Variants in LPIN3 observed in about 807,000 individuals in gnomAD.
LPIN3 encodes lipin 3, also known as phosphatidate phosphatase LPIN3.
In LPIN3, 82 loss-of-function variants were observed where a neutral mutation model predicts 94.7. That is an observed-to-expected ratio of 0.87 (90% CI 0.72 to 1.04). The LOEUF is 1.04. LPIN3 is among the 50% of genes least tolerant of loss of function. LPIN3 has a pLI of 0.00. For synonymous variants in LPIN3, 418 were observed against 443.3 expected (o/e 0.94, Z 0.72); for missense variants, 996 against 1,090.5 (o/e 0.91, Z 1.22).
chr20:41,352,128 C>CTGAATA lies in LPIN3; in HGVS notation c.1275_1276insTATGAA (p.Glu425_His426insTyrGlu), dbSNP rs1569002678. On this transcript the variant is annotated inframe_insertion, in exon 9 of 20. Transcript: ENST00000373257. ...CAGAAGTCCCTGAGGGACCCCAACC[C>CTGAATA]TGAACATGAACCTGAACCCACTCTG... 1 of 1,614,248 alleles carries CTGAATA rather than the reference C, an allele frequency of 6.2e-7. No individual in the cohort carries two copies. Among genetic ancestry groups the CTGAATA allele is most frequent in the African/African-American group, 1.3e-5 (1 of 75,072 alleles).
intron 17 of LPIN3, 43 bp downstream of exon 17, chr20:41,358,077 G>T (rs1345665502): frequency 6.4e-7 from 1 of 1,570,594 alleles, no homozygotes. Flanking sequence ...CCCTGGTGGG[G>T]AAAGGCAGGC....
At chr20:41,350,538 C>T in intron 7 of LPIN3, 141 bp downstream of exon 7, 4 of 673,390 alleles carry the variant, frequency 5.9e-6, no homozygotes, top group Non-Finnish European at 1.0e-5. Flanking sequence ...GCTCACAGTG[C>T]AGTGTGGGAG....
chr20:41,350,263 C>A lies in LPIN3; in HGVS notation c.968C>A (p.Thr323Asn). 6.2e-7 allele frequency: 1 copy of A among 1,613,844 alleles called. No individual in the cohort carries two copies. The highest frequency in any genetic ancestry group is 8.5e-7 in the Non-Finnish European group (1 of 1,179,952). ...ACTCTAGTGGGTCCCCCTCTCCACA[C>A]CCCAGAGACAGAGGAAAGCAAGACT... ...DPTLVGPPLH[T>N]PETEESKTQS... The change falls in exon 7 of 20, where the codon ACC (threonine) becomes AAC (asparagine). Residue 323 changes from threonine (T) to asparagine (N), a missense_variant. Physicochemically the swap from Thr to Asn is moderately conservative, Grantham distance 65 (BLOSUM62 0). Coordinates refer to ENST00000373257, the MANE Select transcript of LPIN3 (RefSeq NM_022896.3).
intron 1 of LPIN3, among the ~76,000 whole-genome samples, chr20:41,342,139 T>G (rs969747173): frequency 1.3e-5 from 2 of 152,164 alleles, no homozygotes; most frequent in Non-Finnish European, 1.5e-5. Context: ...ATTCCAGGGC[T>G]TTACACAAAG....
At chr20:41,355,864 G>C in intron 13 of LPIN3, 32 bp from the exon 14 acceptor site, 2 of 1,611,758 alleles carry the variant, frequency 1.2e-6, no homozygotes, top group African/African-American at 2.7e-5. Flanking sequence ...TTTGGCTGGA[G>C]GAGATGGCCT....
Position 41,358,722 on chromosome 20 carries a change from G to A in LPIN3, c.2412G>A (p.Thr804=). Residue 804 remains threonine, a splice_region_variant and synonymous_variant, in exon 20 of 20, where the codon ACG becomes ACA. Coordinates refer to ENST00000373257, the MANE Select transcript of LPIN3 (RefSeq NM_022896.3). ...AGTGCTGGCCCCCTTCTGCCTGTAG[G>A]TATGAGCGGCTTGGTGAAGTGGTCG... ...IQELIKNHKS[T]YERLGEVVEL... 6.2e-7 allele frequency: 1 copy of A among 1,613,962 alleles called. No homozygotes were observed. The highest frequency in any genetic ancestry group is 8.5e-7 in the Non-Finnish European group (1 of 1,179,940).
chr20:41,357,870 C>T lies in LPIN3; in HGVS notation c.2040-12C>T. ...TCTGATGGCTCTATGCCACCCTGTC[C>T]CCCACTCTCAGAAATGGGTACAAGT... On this transcript the variant is annotated splice_polypyrimidine_tract_variant and intron_variant, in intron 16 of 19. Transcript: ENST00000373257. 2 of 1,614,002 alleles carry T rather than the reference C, an allele frequency of 1.2e-6. No homozygotes were observed. Among genetic ancestry groups the T allele is most frequent in the South Asian group, 1.1e-5 (1 of 91,080 alleles).
At position 41,358,753 on chromosome 20, in the gene LPIN3, C is replaced by T; in HGVS notation, c.2443C>T (p.Leu815Phe). 2 of 1,614,144 alleles carry T rather than the reference C, an allele frequency of 1.2e-6. No individual in the cohort carries two copies. The highest frequency in any genetic ancestry group is 1.7e-6 in the Non-Finnish European group (2 of 1,180,024). Residue 815 changes from leucine (L) to phenylalanine (F), a missense_variant, in exon 20 of 20, where the codon CTC becomes TTC. Physicochemically the swap from Leu to Phe is conservative, Grantham distance 22. Coordinates refer to ENST00000373257, the MANE Select transcript of LPIN3 (RefSeq NM_022896.3). ...GCGGCTTGGTGAAGTGGTCGAGCTC[C>T]TCTTCCCACCTGTGGCCCGTGGCCC... ...YERLGEVVEL[L>F]FPPVARGPST...
chr20:41,351,091 A>AT (rs1337212764), intron 7 of LPIN3, among the ~76,000 whole-genome samples: 23 of 142,910 alleles, frequency 1.6e-4, no homozygotes, highest in Admixed American at 2.2e-4. Flanking sequence ...AAAAAAAAAA[A>AT]TTTTTTTTTT....
rs75257468 is a variant in LPIN3, at chr20:41,359,123, C to CTTTT, written c.*279_*282dup. Reference sequence around the variant, plus strand: ...TTGTCATCTGGGCCCTTGCAGGGTTCTTTTTTTTTTTTTTTTTTTTTTTTT... The same window carrying CTTTT: ...TTGTCATCTGGGCCCTTGCAGGGTTCTTTTTTTTTTTTTTTTTTTTTTTTTTTTT... On this transcript the variant is annotated 3_prime_UTR_variant, in exon 20 of 20. Transcript: ENST00000373257. 17 of 77,020 alleles carry CTTTT rather than the reference C, an allele frequency of 2.2e-4. No individual in the cohort carries two copies. Among genetic ancestry groups the CTTTT allele is most frequent in the East Asian group, 4.7e-4 (1 of 2,130 alleles). The allele number at this position is 77,020 out of a possible 1,614,324, so 4.8% of individuals were successfully genotyped here.
At position 41,358,985 on chromosome 20, in the gene LPIN3, G is replaced by A. The variant is rs974348823; in HGVS notation, c.*119G>A. On this transcript the variant is annotated 3_prime_UTR_variant, in exon 20 of 20. Coordinates refer to ENST00000373257, the MANE Select transcript of LPIN3 (RefSeq NM_022896.3). ...AAACCCACTGAAGGGGAAGGAGGAG[G>A]CTGCAGGTTGGTTGGCAGCTAGAGA... The A allele has an allele frequency of 6.7e-6, 9 of 1,335,538 alleles. No homozygotes were observed. The highest frequency in any genetic ancestry group is 9.2e-6 in the Non-Finnish European group (9 of 979,950). The allele number at this position is 1,335,538 out of a possible 1,614,324, so 82.7% of individuals were successfully genotyped here.
rs746188829 is a variant in LPIN3 at position 41,349,179 on chromosome 20, G to A, written c.638+7G>A. The A allele has an allele frequency of 6.2e-7, 1 of 1,613,492 alleles. No homozygotes were observed. Among genetic ancestry groups the A allele is most frequent in the South Asian group, 1.1e-5 (1 of 90,958 alleles). The stretch of plus-strand genomic sequence containing the variant: ...AGTGGCCCCCCCAGGCCAGGTAAGA[G>A]TCCAGGTGGGCTGCAGGCCAGGACT... On this transcript the variant is annotated splice_region_variant and intron_variant, in intron 5 of 19. Coordinates refer to ENST00000373257, the MANE Select transcript of LPIN3 (RefSeq NM_022896.3).
chr20:41,343,270 G>C (rs1042177970), intron 1 of LPIN3, among the ~76,000 whole-genome samples: 1 of 152,182 alleles, frequency 6.6e-6, no homozygotes, highest in African/African-American at 2.4e-5. Flanking sequence ...CCCCGGCTCT[G>C]CCCCTCCCCA....
chr20:41,347,505 G>A, intron 2 of LPIN3, 47 bp from the exon 3 acceptor site: 1 of 1,572,640 alleles, frequency 6.4e-7, no homozygotes, highest in Non-Finnish European at 8.7e-7. Flanking sequence ...GTGGTCGGAA[G>A]CATGGGCGTG....
chr20:41,344,159 G>A (rs1406798246), intron 1 of LPIN3, among the ~76,000 whole-genome samples: 1 of 152,228 alleles, frequency 6.6e-6, no homozygotes, highest in Non-Finnish European at 1.5e-5. Flanking sequence ...AAGCTCCCAG[G>A]TGATGCTGAT....
In LPIN3 at chr20:41,358,462, G is replaced by A. The variant is rs2046295133; in HGVS notation, c.2331G>A (p.Val777=). ...RPNDVFAYRQ[V]GLPESRIFTV... is the part of the protein sequence containing the mutation. The stretch of plus-strand genomic sequence containing the variant: ...AGGATGTCTTTGCCTACCGGCAGGT[G>A]GGCCTGCCTGAGTCACGCATCTTCA... The change falls in exon 19 of 20, where the codon GTG becomes GTA. Residue 777 remains valine (V), a synonymous_variant. Transcript: ENST00000373257. 1.2e-6 allele frequency: 2 copies of A among 1,614,006 alleles called. No individual in the cohort carries two copies. The highest frequency in any genetic ancestry group is 1.7e-6 in the Non-Finnish European group (2 of 1,179,982).
At position 41,359,123 on chromosome 20, in the gene LPIN3, CTTTTTTT is replaced by C. The variant is rs75257468; in HGVS notation, c.*276_*282del. 23 of 77,014 alleles carry C rather than the reference CTTTTTTT, an allele frequency of 3.0e-4. No homozygotes were observed. The highest frequency in any genetic ancestry group is 2.3e-3 in the East Asian group (5 of 2,128). The allele number at this position is 77,014 out of a possible 1,614,324, so 4.8% of individuals were successfully genotyped here. On this transcript the variant is annotated 3_prime_UTR_variant, in exon 20 of 20. Coordinates refer to ENST00000373257, the MANE Select transcript of LPIN3 (RefSeq NM_022896.3). ...TTGTCATCTGGGCCCTTGCAGGGTT[CTTTTTTT>C]TTTTTTTTTTTTTTTTTTCCTGAGA...
intron 3 of LPIN3, among the ~76,000 whole-genome samples, chr20:41,348,382 G>A (rs569567884): frequency 2.6e-5 from 4 of 152,326 alleles, no homozygotes; most frequent in African/African-American, 9.6e-5. Context: ...TAGAAGAGGA[G>A]ATCAGAGGCC....
rs1335714175 is a variant in LPIN3, at chr20:41,357,911, CGCGGGCCATTGGCATG to C, written c.2074_2089del (p.Ala692ThrfsTer10). The C allele has an allele frequency of 1.2e-6, 2 of 1,614,000 alleles. No individual in the cohort carries two copies. The highest frequency in any genetic ancestry group is 1.7e-6 in the Non-Finnish European group (2 of 1,180,004). On this transcript the variant is annotated frameshift_variant, in exon 17 of 20. Transcript: ENST00000373257. LOFTEE classifies it high-confidence loss of function. ...GGGTACAAGTTCCTGTACTGCTCGG[CGCGGGCCATTGGCATG>C]GCGGACCTCACCAAGGGGTACCTGC...
Sources: allele counts gnomAD v4.1 joint callset (sites outside exome capture counted in the v4.1 genomes callset), GRCh38; gene constraint gnomAD v4.1.1; transcripts MANE v1.5; gene names NCBI Gene and HGNC (gene_info 2026-07-23, HGNC 2026-07-21).